The following KIF19 variants were observed in gnomAD, a reference collection of about 807,000 sequenced individuals.
KIF19 encodes the protein kinesin-like protein KIF19.
Under a neutral mutation model 106.6 loss-of-function variants are expected in KIF19, and 98 were observed. The ratio of observed to expected loss-of-function variants is 0.92; its 90% CI spans 0.78 to 1.09. The LOEUF is 1.09. Ranked by LOEUF, KIF19 falls within the 50% of genes least tolerant of loss-of-function variation. KIF19 has a pLI of 0.00. For synonymous variants in KIF19, 516 were observed against 584.2 expected (o/e 0.88, Z 1.68); for missense variants, 1,373 against 1,414.3 (o/e 0.97, Z 0.47).
chr17:74,331,601 G>C lies in KIF19; in HGVS notation c.120+3096G>C, dbSNP rs534664280. On this transcript the variant is annotated intron_variant, in intron 2 of 19. Coordinates refer to ENST00000389916, the MANE Select transcript of KIF19 (RefSeq NM_153209.4). The surrounding 1 kb of genome is among the most constrained non-coding windows in gnomAD (Gnocchi z 4.1). ...GGATTTTTTTTTTTTTCTTGTGATG[G>C]AGTCTTGCTCTGTCACCTAGGCTGG... is the stretch of plus-strand genomic sequence containing the variant. Among the ~76,000 whole-genome samples, 1 of 151,706 alleles carries C rather than the reference G, an allele frequency of 6.6e-6. No homozygotes were observed. Among genetic ancestry groups the C allele is most frequent in the African/African-American group, 2.4e-5 (1 of 41,358 alleles).
intron 10 of KIF19, 108 bp downstream of exon 10, chr17:74,349,457 G>A: frequency 8.2e-7 from 1 of 1,218,466 alleles, no homozygotes. Context: ...TTTCTGGCTG[G>A]GTGGTTGAGC....
At position 74,346,531 on chromosome 17, in the gene KIF19, G is replaced by C. The variant is rs1335470900; in HGVS notation, c.924+7G>C. The C allele has an allele frequency of 1.8e-5, 28 of 1,550,704 alleles. No homozygotes were observed. The highest frequency in any genetic ancestry group is 2.4e-5 in the Non-Finnish European group (28 of 1,146,676). On this transcript the variant is annotated splice_region_variant and intron_variant, in intron 8 of 19. Coordinates refer to ENST00000389916, the MANE Select transcript of KIF19 (RefSeq NM_153209.4). This position sits in a 1 kb window ranked among gnomAD's most constrained non-coding sequence, Gnocchi z 4.6. The stretch of plus-strand genomic sequence containing the variant: ...GCTCACCCGGCTCCTGAAGGTACCA[G>C]CCACAGCTGGGCCTGGGCACTGGGC...
intron 9 of KIF19, 70 bp downstream of exon 9, chr17:74,347,969 C>T: frequency 6.6e-7 from 1 of 1,514,828 alleles, no homozygotes; most frequent in Middle Eastern, 2.3e-4. Flanking sequence ...GGGCTGATCC[C>T]TGCCACCCCA....
Position 74,343,006 on chromosome 17 carries a change from C to T in KIF19, c.320-18C>T, listed in dbSNP as rs751266389. The T allele has an allele frequency of 5.7e-6, 9 of 1,589,476 alleles. No homozygotes were observed. The highest frequency in any genetic ancestry group is 1.3e-5 in the African/African-American group (1 of 74,438). On this transcript the variant is annotated intron_variant, in intron 4 of 19. Transcript: ENST00000389916. ...TCCCAGCCCCACCCCGGTCACCCTC[C>T]ACCTTGTTCTGCCCCAGGCTGTGGG...
intron 4 of KIF19, 53 bp downstream of exon 4, chr17:74,342,770 C>T (rs117809084): frequency 0.016 from 23,772 of 1,517,926 alleles, 262 homozygotes; most frequent in Middle Eastern, 0.041. Context: ...CTGTAATCCC[C>T]GTCACCCTCC....
At chr17:74,341,016 C>A (rs2054357573) in intron 2 of KIF19, among the ~76,000 whole-genome samples, 1 of 152,180 alleles carries the variant, frequency 6.6e-6, no homozygotes. Context: ...CTGGCCTTAG[C>A]CTGGGGTCAT....
In KIF19 at chr17:74,331,108, G is replaced by A. The variant is rs1240893516; in HGVS notation, c.120+2603G>A. ...GAACCCAGGAAGCAAAATGCACATG[G>A]ACCCCCCCTTACCCTTGTCCCCGAC... On this transcript the variant is annotated intron_variant, in intron 2 of 19. Coordinates refer to ENST00000389916, the MANE Select transcript of KIF19 (RefSeq NM_153209.4). This position sits in a 1 kb window ranked among gnomAD's most constrained non-coding sequence, Gnocchi z 4.1. 6.6e-6 allele frequency among the ~76,000 whole-genome samples: 1 copy of A among 152,114 alleles called. No individual in the cohort carries two copies. Among genetic ancestry groups the A allele is most frequent in the East Asian group, 1.9e-4 (1 of 5,186 alleles).
rs1215333903 is a variant in KIF19, at chr17:74,349,350, G to A, written c.1213+1G>A. 2.5e-6 allele frequency: 4 copies of A among 1,595,586 alleles called. No homozygotes were observed. Among genetic ancestry groups the A allele is most frequent in the East Asian group, 4.5e-5 (2 of 44,686 alleles). ...CGGGGTGACATCCGCCACATCCAAGGTGCGCCTGTGGGTCTGTGTGAGTGG... is the reference window on the plus strand; with the variant it reads ...CGGGGTGACATCCGCCACATCCAAGATGCGCCTGTGGGTCTGTGTGAGTGG... On this transcript the variant is annotated splice_donor_variant, in intron 10 of 19. Transcript: ENST00000389916. LOFTEE classifies it high-confidence loss of function.
chr17:74,342,824 G>A (rs2054418562), intron 4 of KIF19, 107 bp downstream of exon 4: 15 of 1,246,522 alleles, frequency 1.2e-5, no homozygotes, highest in Middle Eastern at 1.9e-4. Flanking sequence ...GGATGTGGTC[G>A]CTCCACATCT....
rs769939316 is a variant in KIF19 at position 74,341,977 on chromosome 17, C to T, written c.222C>T (p.Thr74=). ...TGTTCGACGTGGCCTTTGACTTCAC[C>T]GCCACCCAGGTGAGGGAGGGCCTGG... ...SYLFDVAFDF[T]ATQEMVYQAT... The change falls in exon 3 of 20, where the codon ACC becomes ACT. Residue 74 remains threonine (T), a synonymous_variant. Coordinates refer to ENST00000389916, the MANE Select transcript of KIF19 (RefSeq NM_153209.4). 6 of 1,612,756 alleles carry T rather than the reference C, an allele frequency of 3.7e-6. No individual in the cohort carries two copies. Among genetic ancestry groups the T allele is most frequent in the Middle Eastern group, 1.7e-4 (1 of 6,056 alleles).
intron 5 of KIF19, 73 bp from the exon 6 acceptor site, chr17:74,344,150 G>C: frequency 7.1e-7 from 1 of 1,415,390 alleles, no homozygotes; most frequent in Non-Finnish European, 9.6e-7. Context: ...GAAAGGAAAG[G>C]GGACTCAGCC....
chr17:74,347,850 C>T lies in KIF19; in HGVS notation c.998C>T (p.Ser333Phe). The change falls in exon 9 of 20, where the codon TCC (serine) becomes TTC (phenylalanine). Residue 333 changes from serine to phenylalanine, a missense_variant. Ser to Phe is a radical substitution (Grantham distance 155). Coordinates refer to ENST00000389916, the MANE Select transcript of KIF19 (RefSeq NM_153209.4). ...CCTGCGAGCAGTGCCTTCGAGGAGT[C>T]CCGGAACACCCTGACCTACGCCGGC... ...ISPASSAFEESRNTLTYAGRA... is the reference protein window; with the variant it reads ...ISPASSAFEEFRNTLTYAGRA... 2 of 1,586,324 alleles carry T rather than the reference C, an allele frequency of 1.3e-6. No individual in the cohort carries two copies. Among genetic ancestry groups the T allele is most frequent in the South Asian group, 1.2e-5 (1 of 86,666 alleles).
chr17:74,332,307 C>T (rs1338941034), intron 2 of KIF19, among the ~76,000 whole-genome samples: 4 of 151,438 alleles, frequency 2.6e-5, no homozygotes, highest in Non-Finnish European at 4.4e-5. Context: ...CAGACCCTAA[C>T]GTGTAAACAC....
At chr17:74,341,058 G>A (rs1200564931) in intron 2 of KIF19, among the ~76,000 whole-genome samples, 1 of 152,218 alleles carries the variant, frequency 6.6e-6, no homozygotes, top group Admixed American at 6.5e-5. Context: ...TGTGAGGCCG[G>A]GTGTGGTGGC....
intron 4 of KIF19, 37 bp from the exon 5 acceptor site, chr17:74,342,985 AGC>A: frequency 1.2e-6 from 1 of 853,238 alleles, no homozygotes; most frequent in Non-Finnish European, 1.8e-6. Context: ...CCTCCCTCCC[AGC>A]CCCACCCCGG....
Position 74,350,631 on chromosome 17 carries a change from G to C in KIF19, c.1388+56G>C, listed in dbSNP as rs923255631. The C allele has an allele frequency of 4.1e-5, 66 of 1,609,294 alleles. No homozygotes were observed. The African/African-American group carries it at 7.1e-4, about 17-fold the overall frequency. On this transcript the variant is annotated intron_variant, in intron 11 of 19. Transcript: ENST00000389916. ...CCACCCCTGTGCCTGGGACAGAGGAGCACGACCTGTGGCTGTACAGTGTGC... is the reference window on the plus strand; with the variant it reads ...CCACCCCTGTGCCTGGGACAGAGGACCACGACCTGTGGCTGTACAGTGTGC...
Position 74,355,393 on chromosome 17 carries a change from G to C in KIF19, c.*81G>C. 4.9e-6 allele frequency: 7 copies of C among 1,440,296 alleles called. No homozygotes were observed. Among genetic ancestry groups the C allele is most frequent in the Non-Finnish European group, 6.4e-6 (7 of 1,090,126 alleles). 89.2% of individuals were successfully genotyped at this position (1,440,296 alleles called of 1,614,324 possible). The stretch of plus-strand genomic sequence containing the variant: ...GGGCATGGGAGGTGGAGGCTGGGCA[G>C]ATGGAGATGACCAGGAAGTAAGCTC... On this transcript the variant is annotated 3_prime_UTR_variant, in exon 20 of 20. Coordinates refer to ENST00000389916, the MANE Select transcript of KIF19 (RefSeq NM_153209.4).
Position 74,348,010 on chromosome 17 carries a change from C to G in KIF19, c.1047+111C>G. Reference sequence around the variant, plus strand: ...CTCTCTGGAACCAGCCACTGCTGCACTGGCCTCATTCCCTAGTTGATCGTC... The same window carrying G: ...CTCTCTGGAACCAGCCACTGCTGCAGTGGCCTCATTCCCTAGTTGATCGTC... On this transcript the variant is annotated intron_variant, in intron 9 of 19. Coordinates refer to ENST00000389916, the MANE Select transcript of KIF19 (RefSeq NM_153209.4). 4.7e-6 allele frequency: 6 copies of G among 1,265,680 alleles called. No homozygotes were observed. In the South Asian group the frequency reaches 8.4e-5, roughly 18 times the overall value. 78.4% of individuals were successfully genotyped at this position (1,265,680 alleles called of 1,614,324 possible). A position where few individuals can be genotyped will look rare whatever the true frequency, so the allele number is the denominator to read the frequency against.
chr17:74,355,344 C>A lies in KIF19; in HGVS notation c.*32C>A, dbSNP rs1415687267. The A allele has an allele frequency of 6.4e-7, 1 of 1,573,034 alleles. No homozygotes were observed. Among genetic ancestry groups the A allele is most frequent in the East Asian group, 2.3e-5 (1 of 43,784 alleles). The stretch of plus-strand genomic sequence containing the variant: ...CTGCCTGGAACTGGCTCTCTCACCT[C>A]CCAAGACTGAATGGGGTCTAGCAGG... On this transcript the variant is annotated 3_prime_UTR_variant, in exon 20 of 20. Transcript: ENST00000389916.
Sources: allele counts gnomAD v4.1 joint callset (sites outside exome capture counted in the v4.1 genomes callset), GRCh38; gene constraint gnomAD v4.1.1; non-coding constraint Gnocchi (gnomAD v3.1); transcripts MANE v1.5; gene names NCBI Gene and HGNC (gene_info 2026-07-23, HGNC 2026-07-21).